The following TACR3 variants were observed in gnomAD, a reference collection of about 807,000 sequenced individuals.
The protein encoded by TACR3 is tachykinin receptor 3, also known as neuromedin-K receptor.
In TACR3, 34 loss-of-function variants were observed where a neutral mutation model predicts 35.0. The observed-to-expected ratio is 0.97, with a 90% confidence interval of 0.74 to 1.30. The LOEUF is 1.30. Ranked by LOEUF, TACR3 falls within the 50% of genes most tolerant of loss-of-function variation. TACR3 has a pLI of 0.00. For synonymous variants in TACR3, 233 were observed against 221.1 expected (o/e 1.05, Z -0.48); for missense variants, 558 against 591.7 (o/e 0.94, Z 0.59).
intron 3 of TACR3, among the ~76,000 whole-genome samples, chr4:103,619,658 T>G (rs1474557045): frequency 6.7e-6 from 1 of 149,816 alleles, no homozygotes; most frequent in Non-Finnish European, 1.5e-5. Flanking sequence ...TGTGGGTCCG[T>G]TACAGATGGC....
At chr4:103,692,452 T>C (rs1232521879) in intron 1 of TACR3, among the ~76,000 whole-genome samples, 1 of 152,156 alleles carries the variant, frequency 6.6e-6, no homozygotes, top group Non-Finnish European at 1.5e-5. Context: ...TCCACAGTCA[T>C]AGTTGCACTA....
intron 3 of TACR3, among the ~76,000 whole-genome samples, chr4:103,602,060 T>C (rs1407962375): frequency 1.1e-4 from 16 of 152,192 alleles, no homozygotes; most frequent in Non-Finnish European, 2.9e-5. Context: ...CATAGTCCCA[T>C]ATTTCTTGGA....
At chr4:103,591,242 C>T (rs1209174155) in intron 4 of TACR3, 2 of 507,168 alleles carry the variant, frequency 3.9e-6, no homozygotes. Context: ...GAAGTTGGCC[C>T]ATAGAAGAAT....
intron 3 of TACR3, among the ~76,000 whole-genome samples, chr4:103,629,525 G>T (rs1427757014): frequency 6.6e-6 from 1 of 152,098 alleles, no homozygotes; most frequent in Non-Finnish European, 1.5e-5. Context: ...AATCATGAGT[G>T]AACTCCCATT....
intron 1 of TACR3, among the ~76,000 whole-genome samples, chr4:103,671,759 A>G (rs1283544658): frequency 2.0e-5 from 3 of 151,984 alleles, no homozygotes; most frequent in Non-Finnish European, 4.4e-5. Flanking sequence ...CTTTTGATGT[A>G]GATCTTTATT....
At chr4:103,607,634 T>A (rs917745872) in intron 3 of TACR3, among the ~76,000 whole-genome samples, 1 of 152,054 alleles carries the variant, frequency 6.6e-6, no homozygotes, top group African/African-American at 2.4e-5. Context: ...TAATCTATTG[T>A]ATACTTAGAT....
chr4:103,665,758 C>T (rs954524652), intron 1 of TACR3, among the ~76,000 whole-genome samples: 2 of 152,080 alleles, frequency 1.3e-5, no homozygotes, highest in Non-Finnish European at 1.5e-5. Flanking sequence ...GGCCTGTGTG[C>T]TCAGTACCAT....
intron 3 of TACR3, among the ~76,000 whole-genome samples, chr4:103,631,429 A>C (rs569036390): frequency 2.4e-4 from 36 of 152,226 alleles, no homozygotes; most frequent in African/African-American, 8.2e-4. Context: ...AAAGCTTCCT[A>C]TGTATTATTT....
intron 1 of TACR3, among the ~76,000 whole-genome samples, chr4:103,664,827 G>T (rs1725904477): frequency 6.6e-6 from 1 of 151,804 alleles, no homozygotes; most frequent in Non-Finnish European, 1.5e-5. Context: ...TTGTTTGTTT[G>T]GTTGATGGGC....
At chr4:103,610,335 T>C (rs1724485380) in intron 3 of TACR3, among the ~76,000 whole-genome samples, 1 of 152,154 alleles carries the variant, frequency 6.6e-6, no homozygotes, top group South Asian at 2.1e-4. Flanking sequence ...TGAGATTATA[T>C]CTCATTGTGA....
intron 3 of TACR3, among the ~76,000 whole-genome samples, chr4:103,600,063 C>T (rs904762027): frequency 5.3e-5 from 8 of 152,006 alleles, no homozygotes; most frequent in Admixed American, 1.3e-4. Context: ...TGGTAGAATT[C>T]GGCTGTGAAT....
intron 1 of TACR3, among the ~76,000 whole-genome samples, chr4:103,708,166 C>A (rs538685902): frequency 1.3e-5 from 2 of 152,180 alleles, no homozygotes; most frequent in South Asian, 4.1e-4. Context: ...GTTCTCCCAG[C>A]AGGGAGTTTG....
At chr4:103,610,541 G>A (rs1301745357) in intron 3 of TACR3, among the ~76,000 whole-genome samples, 1 of 151,920 alleles carries the variant, frequency 6.6e-6, no homozygotes, top group Non-Finnish European at 1.5e-5. Context: ...ACTTGTCAGA[G>A]GCATAGTTTG....
At chr4:103,712,157 T>C (rs1458309592) in intron 1 of TACR3, among the ~76,000 whole-genome samples, 9 of 152,182 alleles carry the variant, frequency 5.9e-5, no homozygotes, top group Non-Finnish European at 1.0e-4. Flanking sequence ...GTCAAGTTCA[T>C]ATGGAACCAA....
At chr4:103,608,797 T>C (rs1247834574) in intron 3 of TACR3, among the ~76,000 whole-genome samples, 3 of 151,982 alleles carry the variant, frequency 2.0e-5, no homozygotes, top group Non-Finnish European at 4.4e-5. Context: ...AAAGGTATGA[T>C]TGTAGAGAGT....
At chr4:103,661,776 G>C (rs11725038) in intron 1 of TACR3, among the ~76,000 whole-genome samples, 62,264 of 151,908 alleles carry the variant, frequency 0.41, 14,753 homozygotes, top group African/African-American at 0.66. Flanking sequence ...GTTAGTGATA[G>C]TAGAGATACT....
chr4:103,598,059 A>G (rs982837989), intron 3 of TACR3, among the ~76,000 whole-genome samples: 1 of 152,206 alleles, frequency 6.6e-6, no homozygotes, highest in Admixed American at 6.6e-5. Context: ...ACTAGTTTAC[A>G]GTCCCACCAA....
At chr4:103,645,785 C>T (rs1262474249) in intron 3 of TACR3, among the ~76,000 whole-genome samples, 1 of 151,872 alleles carries the variant, frequency 6.6e-6, no homozygotes, top group Non-Finnish European at 1.5e-5. Context: ...GGCTCTAGAA[C>T]CACAATTTTA....
At chr4:103,639,639 G>C (rs1725301782) in intron 3 of TACR3, among the ~76,000 whole-genome samples, 1 of 151,786 alleles carries the variant, frequency 6.6e-6, no homozygotes, top group Non-Finnish European at 1.5e-5. Flanking sequence ...ACAAAAAAAT[G>C]TAAAGAAATA....
Sources: gnomAD v4.1 joint callset for allele counts (sites outside exome capture counted in the v4.1 genomes callset) on GRCh38, gnomAD v4.1.1 for gene constraint, MANE v1.5 for transcripts, NCBI Gene and HGNC (gene_info 2026-07-23, HGNC 2026-07-21) for gene names.